TRIM5: variants seen among roughly 807,000 people sequenced by gnomAD.
TRIM5 encodes the protein tripartite motif containing 5.
In TRIM5, 31 loss-of-function variants were observed where a neutral mutation model predicts 35.6. The ratio of observed to expected loss-of-function variants is 0.87; its 90% CI spans 0.65 to 1.18. The LOEUF (loss-of-function observed/expected upper bound fraction) is 1.18. Among genes scored for constraint, TRIM5 ranks in the 50% most tolerant of loss-of-function variants. The pLI, the probability that TRIM5 is intolerant of heterozygous loss-of-function variation, is 0.00. For synonymous variants in TRIM5, 243 were observed against 215.6 expected (o/e 1.13, Z -1.11); for missense variants, 609 against 591.6 (o/e 1.03, Z -0.31).
downstream of TRIM5, among the ~76,000 whole-genome samples, chr11:5,661,041 C>CAAAAAA (rs61394016): frequency 2.4e-4 from 9 of 37,142 alleles, 2 homozygotes; most frequent in East Asian, 9.7e-4. Context: ...GACTCCGTCT[C>CAAAAAA]AAAAAAAAAA....
chr11:5,596,886 C>T, the TRIM5 span: 1 of 1,614,048 alleles, frequency 6.2e-7, no homozygotes, highest in East Asian at 2.2e-5. Context: ...TTCTTGGCTT[C>T]TCATTCCCCA....
At chr11:5,680,269 A>G (rs2134122226) in intron 1 of TRIM5, 31 bp from the exon 2 acceptor site, 1 of 1,288,422 alleles carries the variant, frequency 7.8e-7, no homozygotes, top group Middle Eastern at 2.0e-4. Context: ...AAATGGGACC[A>G]AGTAAGAAAG....
the TRIM5 span, chr11:5,611,131 C>T: frequency 3.7e-6 from 6 of 1,614,132 alleles, no homozygotes; most frequent in African/African-American, 8.0e-5. Context: ...GAGGATTCTT[C>T]CCCTTCCCTG....
At chr11:5,648,355 A>C in the TRIM5 span, among the ~76,000 whole-genome samples, 21 of 151,756 alleles carry the variant, frequency 1.4e-4, no homozygotes, top group Non-Finnish European at 2.4e-4. Context: ...AAATACAAAA[A>C]ATTAGCCGGG....
At chr11:5,612,144 G>A in the TRIM5 span, 1 of 151,408 alleles carries the variant, frequency 6.6e-6, no homozygotes, top group Non-Finnish European at 1.5e-5. Flanking sequence ...ATAACGTATT[G>A]TTTAGATTTT....
At chr11:5,611,341 G>T in the TRIM5 span, 1 of 1,610,806 alleles carries the variant, frequency 6.2e-7, no homozygotes, top group East Asian at 2.2e-5. Flanking sequence ...CCAAGCTCTT[G>T]AATATTCTTC....
chr11:5,658,734 G>A (rs957176035), downstream of TRIM5, among the ~76,000 whole-genome samples: 7 of 152,168 alleles, frequency 4.6e-5, no homozygotes, highest in African/African-American at 1.4e-4. Context: ...CTTTATAGCA[G>A]CATGATTTAT....
the TRIM5 span, among the ~76,000 whole-genome samples, chr11:5,614,136 A>AT: frequency 6.6e-6 from 1 of 152,190 alleles, no homozygotes; most frequent in Admixed American, 6.5e-5. Context: ...CATGTGATAG[A>AT]GTAGGCTCAA....
chr11:5,634,667 G>A, the TRIM5 span: 4 of 1,613,670 alleles, frequency 2.5e-6, no homozygotes, highest in African/African-American at 2.7e-5. Flanking sequence ...GATACAAACA[G>A]AATTTGATCA....
rs765026898 is a variant in TRIM5, at chr11:5,680,184, T to G, written c.-7A>C. 7.5e-6 allele frequency: 12 copies of G among 1,590,520 alleles called. No homozygotes were observed. The highest frequency in any genetic ancestry group is 1.3e-5 in the African/African-American group (1 of 74,634). On this transcript the variant is annotated 5_prime_UTR_variant, in exon 2 of 8. Transcript: ENST00000380034. The stretch of plus-strand genomic sequence containing the variant: ...CCAGGATTCCAGAAGCCATAGTAGC[T>G]ATTCCACTGCTCCTGCCTGTCCTGG...
At chr11:5,598,492 A>G in the TRIM5 span, among the ~76,000 whole-genome samples, 1 of 152,332 alleles carries the variant, frequency 6.6e-6, no homozygotes, top group Middle Eastern at 3.4e-3. Flanking sequence ...AATGTTACAT[A>G]CTCAAGTAGC....
At chr11:5,614,429 T>A in the TRIM5 span, among the ~76,000 whole-genome samples, 1 of 152,264 alleles carries the variant, frequency 6.6e-6, no homozygotes, top group African/African-American at 2.4e-5. Flanking sequence ...CTGCTCATTT[T>A]CTATTAATGA....
chr11:5,625,451 A>C, the TRIM5 span, among the ~76,000 whole-genome samples: 10 of 152,246 alleles, frequency 6.6e-5, no homozygotes, highest in Admixed American at 2.0e-4. Context: ...TCCCTCCTCA[A>C]AAGAGAAGTT....
the TRIM5 span, among the ~76,000 whole-genome samples, chr11:5,613,525 A>G: frequency 4.6e-5 from 7 of 152,204 alleles, no homozygotes; most frequent in African/African-American, 1.7e-4. Context: ...CTGCGTTTCA[A>G]TTGGAAGAGA....
the TRIM5 span, chr11:5,610,561 G>T: frequency 3.7e-6 from 6 of 1,613,128 alleles, no homozygotes; most frequent in Admixed American, 1.0e-4. Context: ...AAGCTACTGG[G>T]GTAAGTAGAA....
the TRIM5 span, chr11:5,634,803 G>C: frequency 6.2e-7 from 1 of 1,613,822 alleles, no homozygotes; most frequent in Non-Finnish European, 8.5e-7. Flanking sequence ...CAGTTGGTGA[G>C]AGAGCTCATC....
chr11:5,655,390 T>C, the TRIM5 span, among the ~76,000 whole-genome samples: 1 of 152,176 alleles, frequency 6.6e-6, no homozygotes, highest in African/African-American at 2.4e-5. Context: ...ATTTATTGTT[T>C]GTTAGAGCAA....
the TRIM5 span, among the ~76,000 whole-genome samples, chr11:5,602,249 G>T: frequency 6.6e-6 from 1 of 151,584 alleles, no homozygotes. Context: ...GACCATCCTG[G>T]CTAACACAGT....
chr11:5,665,767 T>C (rs1851084564), intron 6 of TRIM5, 85 bp from the exon 7 acceptor site: 2 of 1,473,690 alleles, frequency 1.4e-6, no homozygotes, highest in Non-Finnish European at 1.8e-6. Context: ...AGGGAAAGAG[T>C]AGGTATGCCC....
Sources: gnomAD v4.1 joint callset for allele counts (sites outside exome capture counted in the v4.1 genomes callset) on GRCh38, gnomAD v4.1.1 for gene constraint, MANE v1.5 for transcripts, NCBI Gene and HGNC (gene_info 2026-07-23, HGNC 2026-07-21) for gene names.